The following GPR137C variants were observed in gnomAD, a reference collection of about 807,000 sequenced individuals.
The protein encoded by GPR137C is integral membrane protein GPR137C.
Under a neutral mutation model 43.4 loss-of-function variants are expected in GPR137C, and 27 were observed. The ratio of observed to expected loss-of-function variants is 0.62; its 90% confidence interval spans 0.46 to 0.86. The LOEUF is 0.86. Among genes scored for constraint, GPR137C ranks in the 40% least tolerant of loss-of-function variants. The pLI is 0.00. For synonymous variants in GPR137C, 285 were observed against 226.9 expected, an observed-to-expected ratio of 1.26 and a Z score of -2.30; for missense variants, 522 against 534.6, an observed-to-expected ratio of 0.98 and a Z score of 0.23.
intron 3 of GPR137C, among the ~76,000 whole-genome samples, chr14:52,605,808 T>C (rs1167734983): frequency 6.6e-6 from 1 of 152,220 alleles, no homozygotes; most frequent in East Asian, 1.9e-4. Flanking sequence ...GAACATGTGG[T>C]TTTTGTTCTT....
At chr14:52,582,653 G>A (rs2038663105) in intron 1 of GPR137C, among the ~76,000 whole-genome samples, 1 of 152,126 alleles carries the variant, frequency 6.6e-6, no homozygotes. Context: ...AATTAGCCGG[G>A]TGTGTTGGTG....
intron 1 of GPR137C, among the ~76,000 whole-genome samples, chr14:52,587,036 A>G (rs920957518): frequency 6.6e-6 from 1 of 152,172 alleles, no homozygotes; most frequent in Non-Finnish European, 1.5e-5. Flanking sequence ...CAAAGCCTCC[A>G]TGATTTGATG....
At chr14:52,578,482 A>G (rs1441253722) in intron 1 of GPR137C, among the ~76,000 whole-genome samples, 1 of 151,988 alleles carries the variant, frequency 6.6e-6, no homozygotes, top group Admixed American at 6.5e-5. Flanking sequence ...TGAATTTTTT[A>G]TTAACATCAT....
At chr14:52,554,369 C>T (rs1327308396) in intron 1 of GPR137C, among the ~76,000 whole-genome samples, 1 of 152,172 alleles carries the variant, frequency 6.6e-6, no homozygotes, top group Admixed American at 6.5e-5. Flanking sequence ...CAATAACTTG[C>T]TTAATATCTG....
At chr14:52,564,680 C>CT (rs1335764366) in intron 1 of GPR137C, among the ~76,000 whole-genome samples, 2 of 151,952 alleles carry the variant, frequency 1.3e-5, no homozygotes, top group Non-Finnish European at 2.9e-5. Flanking sequence ...ATTTGTGTGA[C>CT]TTTTTTGTGT....
At chr14:52,593,099 T>C (rs1446593361) in intron 1 of GPR137C, among the ~76,000 whole-genome samples, 1 of 152,214 alleles carries the variant, frequency 6.6e-6, no homozygotes, top group East Asian at 1.9e-4. Context: ...CATGTGGTTT[T>C]TGTCATTGGT....
At chr14:52,553,655 C>G (rs1007517300) in intron 1 of GPR137C, 64 bp downstream of exon 1, 11 of 1,248,092 alleles carry the variant, frequency 8.8e-6, no homozygotes, top group African/African-American at 1.5e-5. Flanking sequence ...GATCAACTCC[C>G]GCTGAGGACC....
chr14:52,596,952 T>G (rs2038863983), intron 1 of GPR137C: 2 of 454,294 alleles, frequency 4.4e-6, no homozygotes, highest in South Asian at 3.1e-5. Context: ...TTTGGCCATC[T>G]TGGAAGGAAC....
At chr14:52,631,100 G>A (rs139244202) in intron 3 of GPR137C, among the ~76,000 whole-genome samples, 1 of 152,140 alleles carries the variant, frequency 6.6e-6, no homozygotes, top group East Asian at 1.9e-4. Context: ...ATGTGTTTGT[G>A]GAAATTTGGG....
At chr14:52,564,645 A>G (rs1251535825) in intron 1 of GPR137C, among the ~76,000 whole-genome samples, 1 of 152,150 alleles carries the variant, frequency 6.6e-6, no homozygotes, top group Non-Finnish European at 1.5e-5. Context: ...TCTTCTTCAT[A>G]TCATTTGCAC....
At chr14:52,603,720 G>C (rs1299803952) in intron 3 of GPR137C, among the ~76,000 whole-genome samples, 1 of 151,998 alleles carries the variant, frequency 6.6e-6, no homozygotes, top group Non-Finnish European at 1.5e-5. Context: ...TGTGTTATTA[G>C]TAGAGACGGG....
intron 1 of GPR137C, among the ~76,000 whole-genome samples, chr14:52,593,605 A>G (rs895813906): frequency 3.9e-5 from 6 of 152,146 alleles, no homozygotes; most frequent in African/African-American, 1.4e-4. Flanking sequence ...TGGATTTTCT[A>G]GTTTATTTGC....
At chr14:52,568,325 C>T (rs981552398) in intron 1 of GPR137C, among the ~76,000 whole-genome samples, 3 of 152,132 alleles carry the variant, frequency 2.0e-5, no homozygotes, top group African/African-American at 7.3e-5. Flanking sequence ...AGGAGATTCC[C>T]TTGGGTGCCA....
chr14:52,627,158 C>G (rs535977916), intron 3 of GPR137C, among the ~76,000 whole-genome samples: 1 of 151,908 alleles, frequency 6.6e-6, no homozygotes, highest in Non-Finnish European at 1.5e-5. Context: ...TTTGGGAGGC[C>G]TTGGTGGGAG....
intron 1 of GPR137C, among the ~76,000 whole-genome samples, chr14:52,563,250 A>G (rs561082921): frequency 1.3e-5 from 2 of 152,116 alleles, no homozygotes; most frequent in South Asian, 4.2e-4. Flanking sequence ...AGAGGTTGAG[A>G]TTTCTAAACA....
chr14:52,559,817 G>A (rs1353974041), intron 1 of GPR137C, among the ~76,000 whole-genome samples: 1 of 152,100 alleles, frequency 6.6e-6, no homozygotes, highest in African/African-American at 2.4e-5. Flanking sequence ...AAGCTTATAG[G>A]ATATAACTTT....
intron 3 of GPR137C, among the ~76,000 whole-genome samples, chr14:52,619,199 C>G (rs1328512053): frequency 6.6e-6 from 1 of 152,066 alleles, no homozygotes; most frequent in Non-Finnish European, 1.5e-5. Context: ...TCATACAAGG[C>G]AACTAATTCT....
In GPR137C at chr14:52,553,008, C is replaced by G; in HGVS notation, c.-140C>G. 1 of 316,446 alleles carries G rather than the reference C, an allele frequency of 3.2e-6. No homozygotes were observed. Among genetic ancestry groups the G allele is most frequent in the Non-Finnish European group, 5.0e-6 (1 of 198,298 alleles). The allele number at this position is 316,446 out of a possible 1,614,324, so 19.6% of individuals were successfully genotyped here. A position where few individuals can be genotyped will look rare whatever the true frequency, so the allele number is the denominator to read the frequency against. On this transcript the variant is annotated 5_prime_UTR_variant, in exon 1 of 7. Coordinates refer to ENST00000321662, the MANE Select transcript of GPR137C (RefSeq NM_001099652.2). ...AGCCGCGGCTGCTTTGCGCTGGACTCCGGGTCCCGTCACGGCGCTTCCTGG... is the reference window on the plus strand; with the variant it reads ...AGCCGCGGCTGCTTTGCGCTGGACTGCGGGTCCCGTCACGGCGCTTCCTGG...
chr14:52,561,843 G>A (rs185466477), intron 1 of GPR137C, among the ~76,000 whole-genome samples: 5 of 152,334 alleles, frequency 3.3e-5, no homozygotes, highest in African/African-American at 9.6e-5. Context: ...CTTACAAAAA[G>A]AGGGCAGGGT....
Sources: allele counts gnomAD v4.1 joint callset (sites outside exome capture counted in the v4.1 genomes callset), GRCh38; gene constraint gnomAD v4.1.1; transcripts MANE v1.5; gene names NCBI Gene and HGNC (gene_info 2026-07-23, HGNC 2026-07-21).